TRAPPC9: variants seen among roughly 807,000 people sequenced by gnomAD.
TRAPPC9 encodes IKK2 binding protein.
In TRAPPC9, 83 loss-of-function variants were observed where a neutral mutation model predicts 124.0. The ratio of observed to expected loss-of-function variants is 0.67; its 90% CI spans 0.56 to 0.80. TRAPPC9 has a LOEUF of 0.80. TRAPPC9 is among the 30% of genes least tolerant of loss of function. The probability of loss-of-function intolerance (pLI) is 0.00; values close to 1 mark genes in which losing one functional copy is unlikely to be tolerated. For synonymous variants in TRAPPC9, 638 were observed against 617.5 expected (o/e 1.03, Z -0.49); for missense variants, 1,302 against 1,508.3 (o/e 0.86, Z 2.27).
intron 9 of TRAPPC9, among the ~76,000 whole-genome samples, chr8:140,326,239 AG>A (rs1325273920): frequency 6.7e-6 from 1 of 148,258 alleles, no homozygotes; most frequent in Non-Finnish European, 1.5e-5. Flanking sequence ...AAAAAAAAAA[AG>A]AAGAAGAAGT....
chr8:139,777,526 T>C (rs1237107604), intron 21 of TRAPPC9, among the ~76,000 whole-genome samples: 2 of 152,206 alleles, frequency 1.3e-5, no homozygotes, highest in Non-Finnish European at 2.9e-5. Flanking sequence ...AGCAAATGAA[T>C]GAAGGAAAGA....
chr8:140,332,773 A>G (rs1414110997), intron 9 of TRAPPC9, among the ~76,000 whole-genome samples: 1 of 152,236 alleles, frequency 6.6e-6, no homozygotes, highest in Non-Finnish European at 1.5e-5. Context: ...GACTGCAACA[A>G]TATGGAAAAT....
intron 17 of TRAPPC9, among the ~76,000 whole-genome samples, chr8:140,032,551 T>C (rs529855415): frequency 6.6e-6 from 1 of 152,346 alleles, no homozygotes; most frequent in South Asian, 2.1e-4. Flanking sequence ...GAGCATCCTT[T>C]ATAGAATATC....
At chr8:139,924,493 G>A (rs181981349) in intron 19 of TRAPPC9, among the ~76,000 whole-genome samples, 64 of 152,328 alleles carry the variant, frequency 4.2e-4, no homozygotes, top group African/African-American at 1.5e-3. Flanking sequence ...CGTGTACCAC[G>A]GGACTGCATC....
At chr8:140,207,884 G>A (rs1025943800) in intron 17 of TRAPPC9, among the ~76,000 whole-genome samples, 14 of 152,184 alleles carry the variant, frequency 9.2e-5, no homozygotes, top group Non-Finnish European at 1.5e-5. Context: ...TGGGCACAGT[G>A]GCTCATGCCT....
intron 17 of TRAPPC9, among the ~76,000 whole-genome samples, chr8:140,115,300 C>T (rs1420505595): frequency 1.3e-5 from 2 of 148,418 alleles, no homozygotes; most frequent in Non-Finnish European, 3.0e-5. Flanking sequence ...TGGAGTCTTG[C>T]TCTGTCGCCC....
rs13264229 is a variant in TRAPPC9 at position 140,438,862 on chromosome 8, T to G, written c.730+190A>C. 0.43 allele frequency among the ~76,000 whole-genome samples: 65,285 copies of G among 151,934 alleles called. 15,444 individuals are homozygous for G. Among genetic ancestry groups the G allele is most frequent in the Middle Eastern group, 0.53 (155 of 294 alleles). ...GCGTGCCACCACGCCCAGCTAATTT[T>G]TGTATTTTTAGTAGAGACGTGGTTT... On this transcript the variant is annotated intron_variant, in intron 3 of 22. Coordinates refer to ENST00000438773, the MANE Select transcript of TRAPPC9 (RefSeq NM_001160372.4).
chr8:140,140,924 G>A (rs1045881608), intron 17 of TRAPPC9, among the ~76,000 whole-genome samples: 8 of 152,180 alleles, frequency 5.3e-5, no homozygotes, highest in Middle Eastern at 3.4e-3. Flanking sequence ...ACTTTCCCTC[G>A]CAATACTAAT....
intron 17 of TRAPPC9, among the ~76,000 whole-genome samples, chr8:140,178,716 G>C (rs1471834815): frequency 6.6e-6 from 1 of 152,006 alleles, no homozygotes; most frequent in Non-Finnish European, 1.5e-5. Context: ...ATTATAATGT[G>C]ATAAAATTTA....
At chr8:140,405,341 G>A (rs769744472) in intron 6 of TRAPPC9, 85 of 412,962 alleles carry the variant, frequency 2.1e-4, no homozygotes, top group South Asian at 1.1e-3. Context: ...CTGTGAGTAC[G>A]CAGGCCATGA....
intron 4 of TRAPPC9, among the ~76,000 whole-genome samples, chr8:140,429,790 G>C (rs1431425027): frequency 6.6e-6 from 1 of 151,194 alleles, no homozygotes; most frequent in Non-Finnish European, 1.5e-5. Flanking sequence ...TGGCAACAGA[G>C]TGAGACTCTA....
intron 17 of TRAPPC9, among the ~76,000 whole-genome samples, chr8:140,158,249 A>G (rs1322059845): frequency 6.6e-6 from 1 of 152,228 alleles, no homozygotes; most frequent in Non-Finnish European, 1.5e-5. Flanking sequence ...AAGGGACTGC[A>G]GATGTGGTTA....
At chr8:140,410,134 T>G in intron 5 of TRAPPC9, among the ~76,000 whole-genome samples, 1 of 113,476 alleles carries the variant, frequency 8.8e-6, no homozygotes, top group Non-Finnish European at 1.8e-5. Flanking sequence ...GCATGAGACC[T>G]TGTCTCCAAA....
intron 15 of TRAPPC9, among the ~76,000 whole-genome samples, chr8:140,256,795 G>A (rs1462073373): frequency 6.6e-6 from 1 of 152,094 alleles, no homozygotes. Flanking sequence ...AGTAAAGCAG[G>A]GAGAAATACC....
intron 17 of TRAPPC9, among the ~76,000 whole-genome samples, chr8:140,118,532 T>TA (rs1373440691): frequency 6.6e-6 from 1 of 152,190 alleles, no homozygotes; most frequent in Middle Eastern, 3.2e-3. Context: ...AGGCCTCTGA[T>TA]AGCCATGTCT....
chr8:140,347,684 C>G (rs1434442539), intron 9 of TRAPPC9, among the ~76,000 whole-genome samples: 2 of 152,204 alleles, frequency 1.3e-5, no homozygotes, highest in African/African-American at 2.4e-5. Flanking sequence ...GTATTCAGAG[C>G]TGAGTTCAAT....
At chr8:140,026,252 G>A (rs796480775) in intron 17 of TRAPPC9, among the ~76,000 whole-genome samples, 12 of 152,212 alleles carry the variant, frequency 7.9e-5, no homozygotes, top group African/African-American at 2.2e-4. Flanking sequence ...GTCTGTCAGC[G>A]GGCACTTGGG....
intron 17 of TRAPPC9, among the ~76,000 whole-genome samples, chr8:140,050,278 T>G (rs1187817511): frequency 2.0e-5 from 3 of 152,210 alleles, no homozygotes; most frequent in African/African-American, 7.2e-5. Context: ...CCTTTAACAC[T>G]TCAGCTGTGG....
intron 21 of TRAPPC9, among the ~76,000 whole-genome samples, chr8:139,875,755 C>T (rs1232582156): frequency 2.6e-5 from 4 of 152,266 alleles, no homozygotes; most frequent in Non-Finnish European, 5.9e-5. Flanking sequence ...GCAGACCAGG[C>T]CCTCAGAGTC....
Sources: gnomAD v4.1 joint callset for allele counts (sites outside exome capture counted in the v4.1 genomes callset) on GRCh38, gnomAD v4.1.1 for gene constraint, MANE v1.5 for transcripts, NCBI Gene and HGNC (gene_info 2026-07-23, HGNC 2026-07-21) for gene names.